Variants in AGBL4 observed in about 807,000 individuals in gnomAD.
AGBL4 encodes the protein AGBL carboxypeptidase 4.
A neutral mutation model predicts 66.4 loss-of-function variants in AGBL4; 58 were observed. The ratio of observed to expected loss-of-function variants is 0.87; its 90% confidence interval spans 0.71 to 1.09. The LOEUF is 1.09. Among genes scored for constraint, AGBL4 ranks in the 50% least tolerant of loss-of-function variants. The pLI is 0.00. For synonymous variants in AGBL4, 234 were observed against 222.9 expected (o/e 1.05, Z -0.44); for missense variants, 579 against 631.0 (o/e 0.92, Z 0.88).
chr1:48,779,645 A>G (rs1220518536), intron 6 of AGBL4, among the ~76,000 whole-genome samples: 1 of 152,182 alleles, frequency 6.6e-6, no homozygotes, highest in Non-Finnish European at 1.5e-5. Flanking sequence ...AAAGAAGGAC[A>G]TAAAGAGAGC....
chr1:49,509,858 T>C (rs1214337887), intron 3 of AGBL4, among the ~76,000 whole-genome samples: 1 of 151,954 alleles, frequency 6.6e-6, no homozygotes, highest in African/African-American at 2.4e-5. Flanking sequence ...TTAATATATA[T>C]GAAATACTAG....
chr1:49,263,153 T>G (rs1238899686), intron 3 of AGBL4, among the ~76,000 whole-genome samples: 5 of 146,312 alleles, frequency 3.4e-5, no homozygotes, highest in Non-Finnish European at 6.0e-5. Flanking sequence ...TGGGGACTGT[T>G]GTGGGGTGGG....
intron 5 of AGBL4, among the ~76,000 whole-genome samples, chr1:49,035,704 C>A (rs538543680): frequency 6.6e-5 from 10 of 152,110 alleles, no homozygotes; most frequent in South Asian, 2.1e-4. Context: ...CTGACTATCA[C>A]CTGATTGTCA....
chr1:49,250,786 C>A (rs1651993694), intron 3 of AGBL4, among the ~76,000 whole-genome samples: 1 of 152,112 alleles, frequency 6.6e-6, no homozygotes, highest in African/African-American at 2.4e-5. Flanking sequence ...AATGGAGTCA[C>A]CCACTCTCAC....
At chr1:48,591,635 T>A (rs1049508357) in intron 9 of AGBL4, among the ~76,000 whole-genome samples, 1 of 152,250 alleles carries the variant, frequency 6.6e-6, no homozygotes, top group African/African-American at 2.4e-5. Context: ...ACTGTATATA[T>A]AATGCATGCC....
intron 1 of AGBL4, among the ~76,000 whole-genome samples, chr1:49,972,093 AT>A (rs1658177600): frequency 6.7e-6 from 1 of 148,528 alleles, no homozygotes; most frequent in African/African-American, 2.5e-5. Flanking sequence ...AATTTTTTGT[AT>A]TTTCAGTAGA....
At chr1:49,459,226 C>T (rs1042564753) in intron 3 of AGBL4, among the ~76,000 whole-genome samples, 1 of 151,624 alleles carries the variant, frequency 6.6e-6, no homozygotes, top group Non-Finnish European at 1.5e-5. Flanking sequence ...GTGAATCTAT[C>T]TGGTCCTGAA....
chr1:49,370,804 T>C lies in AGBL4; in HGVS notation c.283-124940A>G, dbSNP rs201247454. Among the ~76,000 whole-genome samples the C allele has an allele frequency of 7.2e-5, 11 of 152,290 alleles. No homozygotes were observed. The East Asian group carries it at 1.7e-3, about 24-fold the overall frequency. On this transcript the variant is annotated intron_variant, in intron 3 of 13. Coordinates refer to ENST00000371839, the MANE Select transcript of AGBL4 (RefSeq NM_032785.4). ...CTGATCTTCCTGCTTCTATTTTCAA[T>C]ACCTTCAAACTGCCTGTTGTGATAG...
chr1:48,655,100 G>T, intron 7 of AGBL4, among the ~76,000 whole-genome samples: 1 of 152,200 alleles, frequency 6.6e-6, no homozygotes, highest in East Asian at 1.9e-4. Flanking sequence ...CTTCACAGAT[G>T]AGCAGATTAA....
intron 4 of AGBL4, among the ~76,000 whole-genome samples, chr1:49,086,713 A>C (rs924413634): frequency 1.3e-5 from 2 of 151,964 alleles, no homozygotes; most frequent in Non-Finnish European, 2.9e-5. Flanking sequence ...GATGGGCCAC[A>C]CCTGCTAGAG....
In AGBL4 at chr1:49,474,930, C is replaced by A. The variant is rs557760297; in HGVS notation, c.282+222383G>T. ...TTTCCTATGTAGATGCCTTTTATTTCTTCCTCTTACTGGATTGTTCCAGCT... is the reference window on the plus strand; with the variant it reads ...TTTCCTATGTAGATGCCTTTTATTTATTCCTCTTACTGGATTGTTCCAGCT... On this transcript the variant is annotated intron_variant, in intron 3 of 13. Transcript: ENST00000371839. 2.0e-5 allele frequency among the ~76,000 whole-genome samples: 3 copies of A among 152,150 alleles called. No individual in the cohort carries two copies. The East Asian group carries it at 5.8e-4, about 29-fold the overall frequency.
At chr1:49,287,489 T>C (rs1177436624) in intron 3 of AGBL4, among the ~76,000 whole-genome samples, 3 of 150,590 alleles carry the variant, frequency 2.0e-5, no homozygotes, top group Non-Finnish European at 3.0e-5. Flanking sequence ...ATATCCAGAA[T>C]CTACAAAGAA....
At chr1:48,772,597 A>G (rs1644892420) in intron 6 of AGBL4, among the ~76,000 whole-genome samples, 1 of 152,230 alleles carries the variant, frequency 6.6e-6, no homozygotes, top group Admixed American at 6.5e-5. Context: ...AAGGAGGGCT[A>G]TGAATGCCAG....
At chr1:48,588,856 A>AGAAGAGAAGAGAAGAGAAGAGAAGG (rs1422934499) in intron 10 of AGBL4, among the ~76,000 whole-genome samples, 3 of 143,084 alleles carry the variant, frequency 2.1e-5, no homozygotes, top group African/African-American at 5.3e-5. Flanking sequence ...AGAAGAGAAG[A>AGAAGAGAAGAGAAGAGAAGAGAAGG]GAAGGGAAGA....
At chr1:48,871,237 G>A (rs1358265306) in intron 5 of AGBL4, among the ~76,000 whole-genome samples, 4 of 152,056 alleles carry the variant, frequency 2.6e-5, no homozygotes, top group African/African-American at 9.7e-5. Flanking sequence ...AGGAAATGAA[G>A]CCAGTAAGGT....
chr1:48,659,108 G>T (rs1646066722), intron 7 of AGBL4, among the ~76,000 whole-genome samples: 2 of 152,186 alleles, frequency 1.3e-5, no homozygotes, highest in African/African-American at 2.4e-5. Flanking sequence ...GCTGAGAGCT[G>T]CCCAGTGACC....
At chr1:49,392,640 C>A (rs1004980729) in intron 3 of AGBL4, among the ~76,000 whole-genome samples, 1 of 152,100 alleles carries the variant, frequency 6.6e-6, no homozygotes, top group Admixed American at 6.5e-5. Flanking sequence ...TGATTACTCA[C>A]GAGCCTTGTC....
At chr1:49,005,422 T>G (rs1407909504) in intron 5 of AGBL4, among the ~76,000 whole-genome samples, 1 of 152,232 alleles carries the variant, frequency 6.6e-6, no homozygotes, top group African/African-American at 2.4e-5. Flanking sequence ...TCATCCCACA[T>G]AGGACTTGAA....
intron 2 of AGBL4, among the ~76,000 whole-genome samples, chr1:49,717,756 C>G (rs915549308): frequency 6.6e-6 from 1 of 151,986 alleles, no homozygotes; most frequent in Non-Finnish European, 1.5e-5. Context: ...GTAGTAGTGT[C>G]TGGCCTAACT....
Sources: gnomAD v4.1 joint callset for allele counts (sites outside exome capture counted in the v4.1 genomes callset) on GRCh38, gnomAD v4.1.1 for gene constraint, MANE v1.5 for transcripts, NCBI Gene and HGNC (gene_info 2026-07-23, HGNC 2026-07-21) for gene names.